Variants in PDE4D observed in about 807,000 individuals in gnomAD.
The protein encoded by PDE4D is phosphodiesterase 4D, also known as 3',5'-cyclic-AMP phosphodiesterase 4D.
Under a neutral mutation model 87.4 loss-of-function variants are expected in PDE4D, and 24 were observed. The observed-to-expected ratio is 0.27, with a 90% CI of 0.20 to 0.39. PDE4D has a LOEUF of 0.39. PDE4D is among the 10% of genes least tolerant of loss of function. PDE4D has a pLI of 1.00. For synonymous variants in PDE4D, 384 were observed against 383.2 expected (o/e 1.00, Z -0.02); for missense variants, 714 against 1,041.0 (o/e 0.69, Z 4.32).
intron 1 of PDE4D, among the ~76,000 whole-genome samples, chr5:59,757,087 C>G (rs79927137): frequency 6.6e-6 from 1 of 152,042 alleles, no homozygotes; most frequent in South Asian, 2.1e-4. Context: ...CATGAACTAC[C>G]GCACCCGGCC....
chr5:60,223,948 TC>T (rs1242865847), intron 1 of PDE4D, among the ~76,000 whole-genome samples: 1 of 151,998 alleles, frequency 6.6e-6, no homozygotes, highest in Admixed American at 6.6e-5. Flanking sequence ...TTCCTCACCA[TC>T]CCCCCTTTTT....
rs142239968 is a variant in PDE4D, at chr5:59,369,619, T to C, written c.456-153651A>G. Among the ~76,000 whole-genome samples, 669 of 152,234 alleles carry C rather than the reference T, an allele frequency of 4.4e-3. 4 individuals are homozygous for C. Among genetic ancestry groups the C allele is most frequent in the African/African-American group, 0.016 (649 of 41,552 alleles). On this transcript the variant is annotated intron_variant, in intron 1 of 14. Coordinates refer to ENST00000340635, the MANE Select transcript of PDE4D (RefSeq NM_001104631.2). Reference sequence around the variant, plus strand: ...ACCATATATACACATGCCTCAGGACTGTCCCACTGGAGAATGTGGAACCTG... The same window carrying C: ...ACCATATATACACATGCCTCAGGACCGTCCCACTGGAGAATGTGGAACCTG...
chr5:60,153,504 GA>G (rs1212078202), intron 2 of PDE4D, among the ~76,000 whole-genome samples: 1 of 152,156 alleles, frequency 6.6e-6, no homozygotes, highest in African/African-American at 2.4e-5. Context: ...ATATGATCTG[GA>G]ATTTCTACTT....
chr5:59,573,841 T>A (rs367932350), intron 1 of PDE4D, among the ~76,000 whole-genome samples: 1 of 150,020 alleles, frequency 6.7e-6, no homozygotes, highest in African/African-American at 2.5e-5. Context: ...TTACTAAAAA[T>A]ACAAAAATTA....
At chr5:60,501,900 T>C in intron 1 of PDE4D, among the ~76,000 whole-genome samples, 1 of 152,224 alleles carries the variant, frequency 6.6e-6, no homozygotes, top group Non-Finnish European at 1.5e-5. Flanking sequence ...TTCTGGATAT[T>C]AGCCCTTTGT....
intron 1 of PDE4D, among the ~76,000 whole-genome samples, chr5:60,446,393 T>C (rs1436354497): frequency 6.6e-6 from 1 of 152,116 alleles, no homozygotes; most frequent in African/African-American, 2.4e-5. Flanking sequence ...ATTTAACCAT[T>C]AAAAAACTAT....
At chr5:58,979,676 C>T (rs934877178) in intron 11 of PDE4D, among the ~76,000 whole-genome samples, 1 of 152,110 alleles carries the variant, frequency 6.6e-6, no homozygotes, top group African/African-American at 2.4e-5. Context: ...TTTGTTGAAA[C>T]CCTTTCATCT....
chr5:59,694,950 T>C (rs746928022), intron 1 of PDE4D, among the ~76,000 whole-genome samples: 1 of 152,096 alleles, frequency 6.6e-6, no homozygotes, highest in Non-Finnish European at 1.5e-5. Flanking sequence ...ATAGGTCAGC[T>C]CTCCACCAAG....
chr5:60,139,747 A>G (rs757390655), intron 2 of PDE4D, among the ~76,000 whole-genome samples: 56 of 152,066 alleles, frequency 3.7e-4, no homozygotes, highest in Non-Finnish European at 5.3e-4. Context: ...AAGAAAAATT[A>G]CCAACAACAT....
At chr5:59,495,491 T>C (rs552943081) in intron 1 of PDE4D, among the ~76,000 whole-genome samples, 1 of 152,124 alleles carries the variant, frequency 6.6e-6, no homozygotes, top group African/African-American at 2.4e-5. Flanking sequence ...GGGATCAAGA[T>C]GGCTGAGCAG....
At chr5:59,641,690 G>C (rs893099072) in intron 1 of PDE4D, among the ~76,000 whole-genome samples, 1 of 152,092 alleles carries the variant, frequency 6.6e-6, no homozygotes, top group African/African-American at 2.4e-5. Context: ...CTAATAAAAA[G>C]ACTGAAATCT....
At chr5:60,138,680 T>C (rs1314352389) in intron 2 of PDE4D, among the ~76,000 whole-genome samples, 1 of 152,064 alleles carries the variant, frequency 6.6e-6, no homozygotes, top group African/African-American at 2.4e-5. Context: ...AAGATGATAT[T>C]TCTGAAGTGC....
intron 1 of PDE4D, among the ~76,000 whole-genome samples, chr5:59,740,582 G>A (rs376600342): frequency 6.6e-5 from 10 of 152,012 alleles, no homozygotes; most frequent in African/African-American, 9.7e-5. Context: ...ATGAGACTTC[G>A]GAATTAATGA....
At chr5:59,682,242 G>A (rs1045262280) in intron 1 of PDE4D, among the ~76,000 whole-genome samples, 11 of 152,098 alleles carry the variant, frequency 7.2e-5, no homozygotes, top group African/African-American at 2.7e-4. Flanking sequence ...TATTATCATG[G>A]TACAAAATGC....
At chr5:60,389,731 A>G (rs909074078) in intron 1 of PDE4D, among the ~76,000 whole-genome samples, 4 of 151,954 alleles carry the variant, frequency 2.6e-5, no homozygotes, top group Non-Finnish European at 4.4e-5. Flanking sequence ...TCTTCACAAC[A>G]TGTTGGCTGG....
intron 1 of PDE4D, among the ~76,000 whole-genome samples, chr5:59,239,789 C>G (rs555473172): frequency 3.9e-5 from 6 of 152,122 alleles, no homozygotes; most frequent in Non-Finnish European, 7.4e-5. Context: ...TGAATAGGTT[C>G]TGTTACTTGC....
intron 1 of PDE4D, among the ~76,000 whole-genome samples, chr5:60,507,664 T>A (rs1020157105): frequency 2.6e-5 from 4 of 152,128 alleles, no homozygotes; most frequent in African/African-American, 9.7e-5. Context: ...AAAAAAATCT[T>A]CTGCTAGATT....
At chr5:60,132,692 G>T (rs902297989) in intron 2 of PDE4D, among the ~76,000 whole-genome samples, 12 of 152,044 alleles carry the variant, frequency 7.9e-5, no homozygotes, top group Admixed American at 7.2e-4. Flanking sequence ...ATTATCAAAG[G>T]CACAAATTTT....
chr5:59,991,721 C>T (rs1049084611), intron 2 of PDE4D, among the ~76,000 whole-genome samples: 1 of 152,132 alleles, frequency 6.6e-6, no homozygotes, highest in African/African-American at 2.4e-5. Context: ...TTGGAACAGT[C>T]TTAGCTTTTA....
Sources: gnomAD v4.1 joint callset for allele counts (sites outside exome capture counted in the v4.1 genomes callset) on GRCh38, gnomAD v4.1.1 for gene constraint, MANE v1.5 for transcripts, NCBI Gene and HGNC (gene_info 2026-07-23, HGNC 2026-07-21) for gene names.